PSMB5: variants seen among roughly 807,000 people sequenced by gnomAD.
PSMB5 encodes the protein proteasome 20S subunit beta 5, also known as proteasome subunit beta type-5.
PSMB5 carries 2 observed loss-of-function variants against 22.8 expected under a neutral mutation model. That is an observed-to-expected ratio of 0.09 (90% CI 0.04 to 0.28). The LOEUF is 0.28. Ranked by LOEUF, PSMB5 falls within the 10% of genes least tolerant of loss-of-function variation. The pLI is 1.00. For missense variants in PSMB5, 269 were observed against 343.8 expected, an observed-to-expected ratio of 0.78 and a Z score of 1.72; for synonymous variants, 133 against 135.3, an observed-to-expected ratio of 0.98 and a Z score of 0.12.
intron 1 of PSMB5, chr14:23,034,362 C>T (rs2046975857): frequency 1.3e-5 from 4 of 296,714 alleles, no homozygotes; most frequent in Non-Finnish European, 2.6e-5. Flanking sequence ...AGCCTTCCCT[C>T]GGCCAAGATT....
chr14:23,034,811 C>G lies in PSMB5; in HGVS notation c.71G>C (p.Arg24Pro). 6.2e-7 allele frequency: 1 copy of G among 1,614,210 alleles called. No homozygotes were observed. The change falls in exon 1 of 3, where the codon CGT becomes CCT. Residue 24 changes from arginine to proline, a missense_variant. This residue lies in a region of PSMB5 where 81 missense variants were observed against 70.4 expected (regional missense o/e 1.15). Coordinates refer to ENST00000361611, the MANE Select transcript of PSMB5 (RefSeq NM_002797.5). The part of the protein sequence containing the change: ...NQRGFFGLGG[R>P]ADLLDLGPGS... ...TGGACCTAGATCCAGCAGATCTGCA[C>G]GACCCCCAAGTCCGAAAAACCCGCG...
rs756893442 is a variant in PSMB5 at position 23,033,522 on chromosome 14, C to G, written c.351G>C (p.Leu117=). 1.9e-6 allele frequency: 3 copies of G among 1,614,132 alleles called. No individual in the cohort carries two copies. The highest frequency in any genetic ancestry group is 2.2e-5 in the East Asian group (1 of 44,862). ...GAADCSFWER[L]LARQCRIYEL... The stretch of plus-strand genomic sequence containing the variant: ...CATAGATTCGACATTGCCGAGCCAA[C>G]AGCCGTTCCCAGAAGCTGCAATCCG... The change falls in exon 2 of 3, where the codon CTG becomes CTC. Residue 117 remains leucine (L), a synonymous_variant. Transcript: ENST00000361611.
At chr14:23,027,209 C>T (rs938669776) in intron 2 of PSMB5, among the ~76,000 whole-genome samples, 6 of 151,356 alleles carry the variant, frequency 4.0e-5, no homozygotes, top group Non-Finnish European at 7.4e-5. Flanking sequence ...GGTGAAACCC[C>T]GTCTCTACTA....
intron 1 of PSMB5, among the ~76,000 whole-genome samples, chr14:23,033,887 T>C (rs1421253770): frequency 6.6e-6 from 1 of 152,182 alleles, no homozygotes; most frequent in East Asian, 1.9e-4. Flanking sequence ...ATTCATTTTA[T>C]AGGATGGGCG....
chr14:23,025,983 C>T lies in PSMB5; in HGVS notation c.*106G>A. 4 of 1,534,182 alleles carry T rather than the reference C, an allele frequency of 2.6e-6. No individual in the cohort carries two copies. The highest frequency in any genetic ancestry group is 3.5e-6 in the Non-Finnish European group (4 of 1,142,060). Reference sequence around the variant, plus strand: ...CAGAGCTTAAAAAAAAGTACTGATACAATTGAAGGCCCTTCCACTATAAAT... The same window carrying T: ...CAGAGCTTAAAAAAAAGTACTGATATAATTGAAGGCCCTTCCACTATAAAT... On this transcript the variant is annotated 3_prime_UTR_variant, in exon 3 of 3. Coordinates refer to ENST00000361611, the MANE Select transcript of PSMB5 (RefSeq NM_002797.5).
At chr14:23,027,739 A>G (rs539813991) in intron 2 of PSMB5, 1 of 1,538,972 alleles carries the variant, frequency 6.5e-7, no homozygotes, top group South Asian at 1.2e-5. Flanking sequence ...ATATTATAAT[A>G]ACTACCTTGC....
chr14:23,032,300 TG>T (rs1008902278), intron 2 of PSMB5, among the ~76,000 whole-genome samples: 2 of 151,914 alleles, frequency 1.3e-5, no homozygotes, highest in African/African-American at 4.8e-5. Context: ...TAAAATTAGC[TG>T]GGCATGCTGG....
At chr14:23,031,519 GTAAA>G (rs1469103225) in intron 2 of PSMB5, among the ~76,000 whole-genome samples, 1 of 152,196 alleles carries the variant, frequency 6.6e-6, no homozygotes, top group Non-Finnish European at 1.5e-5. Flanking sequence ...TAGTAAGCAG[GTAAA>G]TGAATGAAGC....
chr14:23,033,809 A>C, intron 1 of PSMB5, 135 bp from the exon 2 acceptor site: 2 of 732,804 alleles, frequency 2.7e-6, no homozygotes, highest in Non-Finnish European at 2.2e-6. Context: ...ATACTTCTAT[A>C]CTTCACCATA....
intron 2 of PSMB5, among the ~76,000 whole-genome samples, chr14:23,029,812 T>C (rs1268943797): frequency 6.6e-6 from 1 of 151,740 alleles, no homozygotes; most frequent in Non-Finnish European, 1.5e-5. Context: ...GATGGAGTCT[T>C]GCTCTGTTGC....
intron 2 of PSMB5, chr14:23,027,759 G>A (rs540774498): frequency 3.5e-4 from 541 of 1,546,970 alleles, no homozygotes; most frequent in Non-Finnish European, 4.5e-4. Flanking sequence ...CCATGTTGCC[G>A]ATCCTCTCAG....
chr14:23,032,305 A>C (rs2046958557), intron 2 of PSMB5, among the ~76,000 whole-genome samples: 2 of 152,200 alleles, frequency 1.3e-5, no homozygotes, highest in South Asian at 4.1e-4. Flanking sequence ...TTAGCTGGGC[A>C]TGCTGGTGGG....
At position 23,026,161 on chromosome 14, in the gene PSMB5, C is replaced by T. The variant is rs1220816063; in HGVS notation, c.720G>A (p.Glu240=). 1.6e-5 allele frequency: 26 copies of T among 1,614,086 alleles called. No individual in the cohort carries two copies. The highest frequency in any genetic ancestry group is 2.2e-5 in the East Asian group (1 of 44,888). Residue 240 remains glutamate, a synonymous_variant, in exon 3 of 3, where the codon GAG becomes GAA. Coordinates refer to ENST00000361611, the MANE Select transcript of PSMB5 (RefSeq NM_002797.5). ...CACTGGAGACTCGGATCCAGCCATC[C>T]TCCCGCACGTGGTAGAGGTTGACTG... ...GGAVNLYHVR[E]DGWIRVSSDN...
intron 2 of PSMB5, chr14:23,027,759 G>C: frequency 1.9e-6 from 3 of 1,546,974 alleles, no homozygotes; most frequent in Non-Finnish European, 2.6e-6. Context: ...CCATGTTGCC[G>C]ATCCTCTCAG....
At chr14:23,034,058 C>T (rs931462227) in intron 1 of PSMB5, among the ~76,000 whole-genome samples, 3 of 150,964 alleles carry the variant, frequency 2.0e-5, no homozygotes, top group African/African-American at 7.3e-5. Flanking sequence ...ATAGTGTCAG[C>T]TACTCTGGAG....
intron 2 of PSMB5, among the ~76,000 whole-genome samples, chr14:23,028,834 G>T (rs190115350): frequency 6.6e-6 from 1 of 152,270 alleles, no homozygotes; most frequent in East Asian, 1.9e-4. Flanking sequence ...CTGCCTACTG[G>T]ATCCCTCCAG....
intron 2 of PSMB5, among the ~76,000 whole-genome samples, chr14:23,031,137 T>C (rs942060011): frequency 6.6e-6 from 1 of 152,178 alleles, no homozygotes; most frequent in Non-Finnish European, 1.5e-5. Flanking sequence ...CAGGAAGGCC[T>C]CTTGAAGAAG....
Position 23,025,946 on chromosome 14 carries a change from A to G in PSMB5, c.*143T>C. On this transcript the variant is annotated 3_prime_UTR_variant, in exon 3 of 3. Transcript: ENST00000361611. ...CTCATTAATGACTGGTAACACATAG[A>G]GGTCAATGTGCCAGAGCTTAAAAAA... 1 of 1,491,824 alleles carries G rather than the reference A, an allele frequency of 6.7e-7. No individual in the cohort carries two copies. Among genetic ancestry groups the G allele is most frequent in the South Asian group, 1.4e-5 (1 of 72,244 alleles). The allele number at this position is 1,491,824 out of a possible 1,614,324, so 92.4% of individuals were successfully genotyped here.
rs1215186047 is a variant in PSMB5, at chr14:23,034,805, T to A, written c.77A>T (p.Asp26Val). The change falls in exon 1 of 3, where the codon GAT becomes GTT. Residue 26 changes from aspartate (D) to valine (V), a missense_variant. Physicochemically the swap from Asp to Val is radical, Grantham distance 152. This residue lies in a region of PSMB5 where 81 missense variants were observed against 70.4 expected (regional missense o/e 1.15). Coordinates refer to ENST00000361611, the MANE Select transcript of PSMB5 (RefSeq NM_002797.5). ...ACTCCCTGGACCTAGATCCAGCAGA[T>A]CTGCACGACCCCCAAGTCCGAAAAA... ...RGFFGLGGRA[D>V]LLDLGPGSLS... is the part of the protein sequence containing the mutation. 20 of 1,614,054 alleles carry A rather than the reference T, an allele frequency of 1.2e-5. No homozygotes were observed. The highest frequency in any genetic ancestry group is 2.2e-5 in the South Asian group (2 of 91,088).
Sources: gnomAD v4.1 joint callset for allele counts (sites outside exome capture counted in the v4.1 genomes callset) on GRCh38, gnomAD v4.1.1 for gene constraint, gnomAD v4.1.1 regional missense constraint, MANE v1.5 for transcripts, NCBI Gene and HGNC (gene_info 2026-07-23, HGNC 2026-07-21) for gene names.